SVOPL: variants seen among roughly 807,000 people sequenced by gnomAD.
SVOPL encodes SVOP like, also known as putative transporter SVOPL.
In SVOPL, 60 loss-of-function variants were observed where a neutral mutation model predicts 61.0. The ratio of observed to expected loss-of-function variants is 0.98; its 90% CI spans 0.80 to 1.22. The LOEUF is 1.22. Ranked by LOEUF, SVOPL falls within the 50% of genes most tolerant of loss-of-function variation. The probability of loss-of-function intolerance (pLI) is 0.00; values close to 1 mark genes in which losing one functional copy is unlikely to be tolerated. For missense variants in SVOPL, 662 were observed against 643.9 expected (o/e 1.03, Z -0.30); for synonymous variants, 279 against 250.0 (o/e 1.12, Z -1.09).
chr7:138,672,865 C>T (rs1584861134), intron 3 of SVOPL, among the ~76,000 whole-genome samples: 1 of 145,710 alleles, frequency 6.9e-6, no homozygotes, highest in Non-Finnish European at 1.5e-5. Context: ...GATCCTTTAT[C>T]CATATTTTGC....
chr7:138,678,138 CA>C (rs1802613902), intron 3 of SVOPL, among the ~76,000 whole-genome samples: 1 of 152,148 alleles, frequency 6.6e-6, no homozygotes. Context: ...AACCAATTGT[CA>C]ATCAGAAAAT....
intron 14 of SVOPL, among the ~76,000 whole-genome samples, chr7:138,615,560 CAAAAAAAAA>C (rs770404185): frequency 0.01 from 58 of 5,542 alleles, 8 homozygotes; most frequent in African/African-American, 0.019. Flanking sequence ...ACTCCGTCTC[CAAAAAAAAA>C]AAAAAAAAAA....
At chr7:138,615,908 G>A (rs564219550) in intron 14 of SVOPL, among the ~76,000 whole-genome samples, 2 of 152,224 alleles carry the variant, frequency 1.3e-5, no homozygotes, top group South Asian at 2.1e-4. Flanking sequence ...CTTTCTGGAT[G>A]TGAGGACACA....
chr7:138,642,485 A>G (rs1041932069), intron 9 of SVOPL, among the ~76,000 whole-genome samples: 2 of 152,012 alleles, frequency 1.3e-5, no homozygotes, highest in Non-Finnish European at 2.9e-5. Context: ...AAAACATTAT[A>G]TCAATAAATT....
intron 7 of SVOPL, among the ~76,000 whole-genome samples, chr7:138,655,051 G>A (rs574417605): frequency 9.2e-5 from 14 of 151,966 alleles, no homozygotes; most frequent in Admixed American, 2.0e-4. Context: ...ATCAGCTGGC[G>A]TAGTGATGCG....
chr7:138,682,855 C>T (rs1479626698), intron 1 of SVOPL, among the ~76,000 whole-genome samples: 1 of 151,150 alleles, frequency 6.6e-6, no homozygotes, highest in Admixed American at 6.6e-5. Context: ...GTAATCTCAG[C>T]TACTCGGGAG....
At chr7:138,622,238 C>CTATCTATG (rs1799685698) in intron 13 of SVOPL, among the ~76,000 whole-genome samples, 9 of 58,550 alleles carry the variant, frequency 1.5e-4, no homozygotes, top group African/African-American at 5.5e-4. Flanking sequence ...ATCTATGTAT[C>CTATCTATG]TATCTATCTA....
At chr7:138,675,691 G>A (rs1802541750) in intron 3 of SVOPL, among the ~76,000 whole-genome samples, 1 of 151,944 alleles carries the variant, frequency 6.6e-6, no homozygotes, top group South Asian at 2.1e-4. Context: ...AGCTGTTTGG[G>A]GAGGGTCAGA....
intron 14 of SVOPL, among the ~76,000 whole-genome samples, chr7:138,614,597 T>C (rs1380315063): frequency 1.3e-5 from 2 of 152,016 alleles, no homozygotes; most frequent in African/African-American, 2.4e-5. Flanking sequence ...GGTTTCACCA[T>C]ATTGGCCAGG....
At chr7:138,660,969 G>T in intron 5 of SVOPL, 1 of 982,666 alleles carries the variant, frequency 1.0e-6, no homozygotes, top group Non-Finnish European at 1.2e-6. Context: ...TTTTGTTTTT[G>T]ATAACTCCTG....
At chr7:138,661,213 T>A (rs1801984788) in intron 5 of SVOPL, 1 of 985,300 alleles carries the variant, frequency 1.0e-6, no homozygotes, top group Non-Finnish European at 1.2e-6. Context: ...AAGACAGACC[T>A]GGGTTTGTAA....
rs112355576 is a variant in SVOPL, at chr7:138,648,815, G to T, written c.660+197C>A. ...CACATGACTGTAATCCCAGCTACTCGGGAGGCTGAGGCAGGAGAATCACCT... is the reference window on the plus strand; with the variant it reads ...CACATGACTGTAATCCCAGCTACTCTGGAGGCTGAGGCAGGAGAATCACCT... On this transcript the variant is annotated intron_variant, in intron 8 of 15. Transcript: ENST00000674285. Among the ~76,000 whole-genome samples the T allele has an allele frequency of 7.9e-5, 12 of 151,592 alleles. No individual in the cohort carries two copies. In the South Asian group the frequency reaches 2.5e-3, roughly 32 times the overall value.
intron 8 of SVOPL, 108 bp from the exon 9 acceptor site, chr7:138,644,953 G>T (rs529661738): frequency 1.4e-6 from 2 of 1,430,356 alleles, no homozygotes; most frequent in Admixed American, 3.8e-5. Flanking sequence ...GATAGGAAAA[G>T]TATGTAACCA....
chr7:138,651,040 C>A (rs896744547), intron 7 of SVOPL, among the ~76,000 whole-genome samples: 1 of 151,124 alleles, frequency 6.6e-6, no homozygotes, highest in Non-Finnish European at 1.5e-5. Flanking sequence ...CCAGCAGGGG[C>A]CTGAGGAGGG....
At chr7:138,684,640 G>A (rs1802766017) in intron 1 of SVOPL, among the ~76,000 whole-genome samples, 1 of 152,184 alleles carries the variant, frequency 6.6e-6, no homozygotes, top group African/African-American at 2.4e-5. Flanking sequence ...TGGAGAAAAA[G>A]GAACCCTTGT....
intron 1 of SVOPL, among the ~76,000 whole-genome samples, chr7:138,697,294 A>G (rs1322287645): frequency 6.6e-6 from 1 of 152,192 alleles, no homozygotes; most frequent in East Asian, 1.9e-4. Flanking sequence ...CATAGTTTTT[A>G]AAAATTAAAA....
intron 4 of SVOPL, chr7:138,663,374 G>A (rs1253071391): frequency 2.9e-6 from 4 of 1,396,030 alleles, no homozygotes; most frequent in African/African-American, 2.9e-5. Flanking sequence ...AGGTGGAAAC[G>A]GGGTCCTCTG....
intron 4 of SVOPL, among the ~76,000 whole-genome samples, chr7:138,663,854 G>A (rs1268297724): frequency 6.6e-6 from 1 of 152,026 alleles, no homozygotes; most frequent in African/African-American, 2.4e-5. Flanking sequence ...CATTTCTAGG[G>A]GAAAACAAAA....
chr7:138,678,443 G>A lies in SVOPL; in HGVS notation c.165C>T (p.Gly55=). 2 of 1,551,902 alleles carry A rather than the reference G, an allele frequency of 1.3e-6. No individual in the cohort carries two copies. Among genetic ancestry groups the A allele is most frequent in the Non-Finnish European group, 1.7e-6 (2 of 1,147,032 alleles). ...RFHIALFLIM[G]STGVVEAMEI... Reference sequence around the variant, plus strand: ...TCGAAGGAGCACTCACCCCAGTACTGCCCATGATCAGAAAGAGGGCAATGT... The same window carrying A: ...TCGAAGGAGCACTCACCCCAGTACTACCCATGATCAGAAAGAGGGCAATGT... Residue 55 remains glycine, a synonymous_variant, in exon 3 of 16, where the codon GGC becomes GGT. Coordinates refer to ENST00000674285, the MANE Select transcript of SVOPL (RefSeq NM_001139456.2).
Sources: gnomAD v4.1 joint callset for allele counts (sites outside exome capture counted in the v4.1 genomes callset) on GRCh38, gnomAD v4.1.1 for gene constraint, MANE v1.5 for transcripts, NCBI Gene and HGNC (gene_info 2026-07-23, HGNC 2026-07-21) for gene names.